ARAP3: variants seen among roughly 807,000 people sequenced by gnomAD.
The protein encoded by ARAP3 is arf-GAP with Rho-GAP domain, ANK repeat and PH domain-containing protein 3.
Under a neutral mutation model 169.2 loss-of-function variants are expected in ARAP3, and 82 were observed. The observed-to-expected ratio is 0.48, with a 90% CI of 0.41 to 0.58. The LOEUF is 0.58. Among genes scored for constraint, ARAP3 ranks in the 20% least tolerant of loss-of-function variants. The pLI, the probability that ARAP3 is intolerant of heterozygous loss-of-function variation, is 0.00. For missense variants in ARAP3, 1,764 were observed against 2,018.0 expected, an observed-to-expected ratio of 0.87 and a Z score of 2.41; for synonymous variants, 791 against 800.3, an observed-to-expected ratio of 0.99 and a Z score of 0.20.
At position 141,666,458 on chromosome 5, in the gene ARAP3, C is replaced by A. The variant is rs780162509; in HGVS notation, c.2538G>T (p.Glu846Asp). 6.3e-7 allele frequency: 1 copy of A among 1,595,258 alleles called. No individual in the cohort carries two copies. The highest frequency in any genetic ancestry group is 8.5e-7 in the Non-Finnish European group (1 of 1,170,658). ...GTAGCCGCCGCAGATGCACCATGTC[C>A]TCAGGGGCTGGGGGGCCTGGGCCCG... is the stretch of plus-strand genomic sequence containing the variant. Reference protein sequence around the residue: ...SAPGPGPPAPEDMVHLRRLQE... With the variant: ...SAPGPGPPAPDDMVHLRRLQE... The change falls in exon 17 of 33, where the codon GAG (glutamate) becomes GAT (aspartate). Residue 846 changes from glutamate (E) to aspartate (D), a missense_variant. Glu to Asp is a conservative substitution (Grantham distance 45). Around this residue, in one of 3 missense-constraint regions of ARAP3, gnomAD observed 1,112 missense variants for 1,285.7 expected, o/e 0.86. Transcript: ENST00000239440.
rs1245238884 is a variant in ARAP3 at position 141,670,617 on chromosome 5, C to G, written c.2002G>C (p.Gly668Arg). The change falls in exon 14 of 33, where the codon GGT becomes CGT. Residue 668 changes from glycine to arginine, a missense_variant. By Grantham distance (125) the Gly-to-Arg change is moderately radical. Around this residue, in one of 3 missense-constraint regions of ARAP3, gnomAD observed 1,112 missense variants for 1,285.7 expected, o/e 0.86. Coordinates refer to ENST00000239440, the MANE Select transcript of ARAP3 (RefSeq NM_022481.6). ...PGLLPSDPSP[G>R]VYNEVVVRAT... ...CGCACCACCACCTCATTGTACACACCAGGGGAGGGGTCTGCAAGGGGAAGG... is the reference window on the plus strand; with the variant it reads ...CGCACCACCACCTCATTGTACACACGAGGGGAGGGGTCTGCAAGGGGAAGG... 6.2e-7 allele frequency: 1 copy of G among 1,613,806 alleles called. No homozygotes were observed. The highest frequency in any genetic ancestry group is 8.5e-7 in the Non-Finnish European group (1 of 1,179,770).
At position 141,656,200 on chromosome 5, in the gene ARAP3, G is replaced by A. The variant is rs776543575; in HGVS notation, c.3866C>T (p.Pro1289Leu). The stretch of plus-strand genomic sequence containing the variant: ...GCTGGGGAAGAAAACTCACGGTGTT[G>A]GGGGCTTTAACTTCTTGCGGATTCC... ...YLGIRKKLKPPTPWGFTLILE... is the reference protein window; with the variant it reads ...YLGIRKKLKPLTPWGFTLILE... Residue 1289 changes from proline (P) to leucine (L), a missense_variant, in exon 28 of 33, where the codon CCA (proline) becomes CTA (leucine). Physicochemically the swap from Pro to Leu is moderately conservative, Grantham distance 98. Transcript: ENST00000239440. 1 of 1,614,152 alleles carries A rather than the reference G, an allele frequency of 6.2e-7. No individual in the cohort carries two copies. The highest frequency in any genetic ancestry group is 1.7e-5 in the Admixed American group (1 of 60,020).
In ARAP3 at chr5:141,654,370, C is replaced by G; in HGVS notation, c.4215G>C (p.Glu1405Asp). Residue 1405 changes from glutamate (E) to aspartate (D), a missense_variant, in exon 33 of 33, where the codon GAG (glutamate) becomes GAC (aspartate). Physicochemically the swap from Glu to Asp is conservative, Grantham distance 45. This residue lies in a region of ARAP3 where 1,112 missense variants were observed against 1,285.7 expected (regional missense o/e 0.86). Transcript: ENST00000239440. The stretch of plus-strand genomic sequence containing the variant: ...AGGCCCCTACTTCCTCATACACTGG[C>G]TCCTCGTACACAGGCTCCTCCAGCT... ...QEELEEPVYE[E>D]PVYEEVGAFP... is the part of the protein sequence containing the mutation. 1 of 1,613,548 alleles carries G rather than the reference C, an allele frequency of 6.2e-7. No individual in the cohort carries two copies. The highest frequency in any genetic ancestry group is 8.5e-7 in the Non-Finnish European group (1 of 1,179,720).
chr5:141,668,340 G>C (rs777206776), intron 16 of ARAP3, among the ~76,000 whole-genome samples: 11 of 152,176 alleles, frequency 7.2e-5, no homozygotes, highest in Middle Eastern at 3.4e-3. Context: ...CAATCCTCCC[G>C]CCTCAGCCTC....
Position 141,654,259 on chromosome 5 carries a change from C to A in ARAP3, c.4326G>T (p.Gln1442His). 1 of 1,614,166 alleles carries A rather than the reference C, an allele frequency of 6.2e-7. No individual in the cohort carries two copies. Among genetic ancestry groups the A allele is most frequent in the South Asian group, 1.1e-5 (1 of 91,084 alleles). The change falls in exon 33 of 33, where the codon CAG (glutamine) becomes CAT (histidine). Residue 1442 changes from glutamine (Q) to histidine (H), a missense_variant. Physicochemically the swap from Gln to His is conservative, Grantham distance 24. This residue lies in a region of ARAP3 where 1,112 missense variants were observed against 1,285.7 expected (regional missense o/e 0.86). Transcript: ENST00000239440. ...TVKPENPLTS[Q>H]KSLDQPFLSK... ...AGAGAAAGGGTTGATCCAATGACTTCTGGCTGGTGAGGGGGTTCTCTGGCT... is the reference window on the plus strand; with the variant it reads ...AGAGAAAGGGTTGATCCAATGACTTATGGCTGGTGAGGGGGTTCTCTGGCT...
At chr5:141,673,523 G>A in intron 5 of ARAP3, 53 bp from the exon 6 acceptor site, 1 of 1,613,466 alleles carries the variant, frequency 6.2e-7, no homozygotes, top group Non-Finnish European at 8.5e-7. Context: ...GGGTTAGGGG[G>A]ATCATAGGGT....
chr5:141,680,604 C>A, intron 1 of ARAP3, 101 bp from the exon 2 acceptor site: 1 of 1,430,196 alleles, frequency 7.0e-7, no homozygotes, highest in Non-Finnish European at 9.1e-7. Flanking sequence ...TCCAATCTTC[C>A]TCCAAAGAAA....
chr5:141,659,295 T>C, intron 23 of ARAP3, 113 bp downstream of exon 23: 1 of 963,340 alleles, frequency 1.0e-6, no homozygotes, highest in East Asian at 2.4e-5. Flanking sequence ...AAGAGCTGAG[T>C]GCTAGTGTCC....
At chr5:141,674,303 G>A (rs2099911859) in intron 4 of ARAP3, among the ~76,000 whole-genome samples, 1 of 152,144 alleles carries the variant, frequency 6.6e-6, no homozygotes. Flanking sequence ...CTGCTGCCCA[G>A]GCTGAGTGCA....
chr5:141,655,260 C>CACACACACACACACACACA (rs1562401159), intron 32 of ARAP3, 102 bp downstream of exon 32: 2 of 834,598 alleles, frequency 2.4e-6, no homozygotes, highest in African/African-American at 5.9e-5. Flanking sequence ...ACACACACAC[C>CACACACACACACACACACA]CCCTGATGGC....
chr5:141,665,375 C>T lies in ARAP3; in HGVS notation c.2573-1G>A, dbSNP rs1295800217. The T allele has an allele frequency of 6.2e-7, 1 of 1,614,102 alleles. No individual in the cohort carries two copies. The highest frequency in any genetic ancestry group is 8.5e-7 in the Non-Finnish European group (1 of 1,179,980). On this transcript the variant is annotated splice_acceptor_variant, in intron 17 of 32. Coordinates refer to ENST00000239440, the MANE Select transcript of ARAP3 (RefSeq NM_022481.6). LOFTEE classifies it high-confidence loss of function. ...GGGGTGTCAGCTGCAGAAACCACAC[C>T]TGGGAGGAGAATCAGTGGACATTTT...
At position 141,680,004 on chromosome 5, in the gene ARAP3, G is replaced by A. The variant is rs146956360; in HGVS notation, c.483C>T (p.Phe161=). ...GTGCCCTGCCTCTTGAGTCCAGGCCGAAGTAGATGGAATTAGGCATCATCT... is the reference window on the plus strand; with the variant it reads ...GTGCCCTGCCTCTTGAGTCCAGGCCAAAGTAGATGGAATTAGGCATCATCT... ...TVEMMPNSIY[F]GLDSRGRAQA... The change falls in exon 2 of 33, where the codon TTC becomes TTT. Residue 161 remains phenylalanine (F), a synonymous_variant. Coordinates refer to ENST00000239440, the MANE Select transcript of ARAP3 (RefSeq NM_022481.6). 3.1e-5 allele frequency: 50 copies of A among 1,614,024 alleles called. No individual in the cohort carries two copies. The highest frequency in any genetic ancestry group is 1.6e-4 in the Middle Eastern group (1 of 6,084).
intron 21 of ARAP3, among the ~76,000 whole-genome samples, chr5:141,660,824 T>TC (rs2099909855): frequency 6.6e-6 from 1 of 151,964 alleles, no homozygotes; most frequent in African/African-American, 2.4e-5. Context: ...AAATGGCTTC[T>TC]CCCCAGAATT....
At chr5:141,659,207 G>A (rs2099909621) in intron 23 of ARAP3, among the ~76,000 whole-genome samples, 1 of 152,142 alleles carries the variant, frequency 6.6e-6, no homozygotes, top group Non-Finnish European at 1.5e-5. Flanking sequence ...GAATCCTCAT[G>A]GTGGAACAAA....
At chr5:141,669,027 T>C (rs2099911080) in intron 16 of ARAP3, among the ~76,000 whole-genome samples, 1 of 152,198 alleles carries the variant, frequency 6.6e-6, no homozygotes, top group African/African-American at 2.4e-5. Flanking sequence ...ATCGTCATCA[T>C]CACTACCATC....
At chr5:141,681,255 G>C (rs926509137) in intron 1 of ARAP3, among the ~76,000 whole-genome samples, 1 of 152,172 alleles carries the variant, frequency 6.6e-6, no homozygotes, top group Non-Finnish European at 1.5e-5. Context: ...CTCTGGTCAG[G>C]GGTACTCCAG....
At position 141,653,993 on chromosome 5, in the gene ARAP3, G is replaced by A. The variant is rs2099908863; in HGVS notation, c.4592C>T (p.Pro1531Leu). 1.3e-6 allele frequency: 2 copies of A among 1,553,222 alleles called. No individual in the cohort carries two copies. Among genetic ancestry groups the A allele is most frequent in the South Asian group, 2.5e-5 (2 of 80,218 alleles). The change falls in exon 33 of 33, where the codon CCC becomes CTC. Residue 1531 changes from proline (P) to leucine (L), a missense_variant. Pro to Leu is a moderately conservative substitution (Grantham distance 98). Transcript: ENST00000239440. ...GGAGGGTGGACTGGAAGTGCATGGG[G>A]GTTGGGTGGGGAAGCCAGGTGTCTG... ...PTQTPGFPTQPPCTSSPPSSQ... is the reference protein window; with the variant it reads ...PTQTPGFPTQLPCTSSPPSSQ...
At chr5:141,678,036 C>G (rs1047819199) in intron 4 of ARAP3, among the ~76,000 whole-genome samples, 1 of 152,050 alleles carries the variant, frequency 6.6e-6, no homozygotes, top group Non-Finnish European at 1.5e-5. Context: ...CAAGCTCCGC[C>G]TCCCGGGTTC....
rs1451754272 is a variant in ARAP3 at position 141,672,312 on chromosome 5, G to A, written c.1386-11C>T. On this transcript the variant is annotated splice_polypyrimidine_tract_variant and intron_variant, in intron 9 of 32. Transcript: ENST00000239440. This position sits in a 1 kb window ranked among gnomAD's most constrained non-coding sequence, Gnocchi z 4.9. ...GACTCGGCTGTGAAGCTGAGGGGTG[G>A]ACAGCCAGTCCATGGGCATGGACCT... 1.9e-6 allele frequency: 3 copies of A among 1,613,722 alleles called. No individual in the cohort carries two copies. The African/African-American group carries it at 4.0e-5, about 22-fold the overall frequency.
Sources: gnomAD v4.1 joint callset for allele counts (sites outside exome capture counted in the v4.1 genomes callset) on GRCh38, gnomAD v4.1.1 for gene constraint, gnomAD v4.1.1 regional missense constraint, Gnocchi (gnomAD v3.1) non-coding constraint, MANE v1.5 for transcripts, NCBI Gene and HGNC (gene_info 2026-07-23, HGNC 2026-07-21) for gene names.